Variants in CLIC5 observed in about 807,000 individuals in gnomAD.
CLIC5 encodes chloride intracellular channel protein 5.
Under a neutral mutation model 24.7 loss-of-function variants are expected in CLIC5, and 20 were observed. The observed-to-expected ratio is 0.81, with a 90% CI of 0.57 to 1.18. The LOEUF (loss-of-function observed/expected upper bound fraction) is 1.18. Ranked by LOEUF, CLIC5 falls within the 50% of genes most tolerant of loss-of-function variation. The probability of loss-of-function intolerance (pLI) is 0.00; values close to 1 mark genes in which losing one functional copy is unlikely to be tolerated. For synonymous variants in CLIC5, 159 were observed against 135.6 expected (o/e 1.17, Z -1.20); for missense variants, 341 against 326.1 (o/e 1.05, Z -0.35).
At chr6:45,997,853 G>A (rs1390420654) in intron 1 of CLIC5, among the ~76,000 whole-genome samples, 1 of 152,210 alleles carries the variant, frequency 6.6e-6, no homozygotes, top group African/African-American at 2.4e-5. Flanking sequence ...GTTAACCAAA[G>A]CCAGAGACTA....
At chr6:45,958,435 T>TATATATATACACACACACACACAC (rs1561964431) in intron 1 of CLIC5, among the ~76,000 whole-genome samples, 4 of 5,608 alleles carry the variant, frequency 7.1e-4, no homozygotes, top group Non-Finnish European at 3.7e-3. Context: ...TATATATATA[T>TATATATATACACACACACACACAC]ATATATATAT....
In CLIC5 at chr6:45,973,215, T is replaced by C. The variant is rs532924643; in HGVS notation, c.64-17971A>G. ...CTTTGCCTGTGGGACCAGTCAGATG[T>C]CGGACCCTACCTCCAGGGGTTAAGT... is the stretch of plus-strand genomic sequence containing the variant. On this transcript the variant is annotated intron_variant, in intron 1 of 5. Transcript: ENST00000339561. Among the ~76,000 whole-genome samples, 12 of 152,284 alleles carry C rather than the reference T, an allele frequency of 7.9e-5. 1 individual carries two copies. The South Asian group carries it at 2.5e-3, about 32-fold the overall frequency.
chr6:45,943,099 T>C (rs1764186832), intron 3 of CLIC5, among the ~76,000 whole-genome samples: 1 of 152,208 alleles, frequency 6.6e-6, no homozygotes, highest in African/African-American at 2.4e-5. Context: ...AACAACTCTA[T>C]TGGTACTATT....
At chr6:45,970,503 G>A (rs1177688459) in intron 1 of CLIC5, among the ~76,000 whole-genome samples, 1 of 152,158 alleles carries the variant, frequency 6.6e-6, no homozygotes, top group Non-Finnish European at 1.5e-5. Context: ...GGCAGAGTAA[G>A]GCAGGAAATG....
intron 3 of CLIC5, among the ~76,000 whole-genome samples, chr6:45,948,181 T>A (rs1223219739): frequency 1.3e-5 from 2 of 152,198 alleles, no homozygotes; most frequent in East Asian, 3.9e-4. Context: ...GCTATAAAAG[T>A]GTTGATGAAT....
intron 6 of CLIC5, chr6:45,892,337 A>G (rs1048589573): frequency 1.3e-5 from 2 of 152,260 alleles, no homozygotes; most frequent in South Asian, 4.1e-4. Context: ...ACTACTTGTG[A>G]TATGGCAGTT....
chr6:45,888,312 G>A (rs181057532), intron 6 of CLIC5, among the ~76,000 whole-genome samples: 4 of 152,256 alleles, frequency 2.6e-5, no homozygotes, highest in Admixed American at 6.5e-5. Context: ...GGGATGTGGG[G>A]CATTTTCTAT....
At chr6:46,021,768 G>T (rs193078689) in intron 1 of CLIC5, among the ~76,000 whole-genome samples, 1 of 152,340 alleles carries the variant, frequency 6.6e-6, no homozygotes, top group East Asian at 1.9e-4. Context: ...ATCAGTGGCT[G>T]CCAGGGACTG....
chr6:45,895,492 T>C (rs943771555), downstream of CLIC5, among the ~76,000 whole-genome samples: 18 of 152,208 alleles, frequency 1.2e-4, no homozygotes, highest in Admixed American at 5.9e-4. Context: ...CCTATTTCTC[T>C]CCTTAGCTCT....
intron 1 of CLIC5, among the ~76,000 whole-genome samples, chr6:45,982,037 G>A (rs1765586761): frequency 6.6e-6 from 1 of 151,864 alleles, no homozygotes; most frequent in African/African-American, 2.4e-5. Context: ...ATAGGGGACA[G>A]TCAAGGATGA....
At chr6:46,040,415 T>C (rs1004938152) in intron 1 of CLIC5, among the ~76,000 whole-genome samples, 1 of 152,118 alleles carries the variant, frequency 6.6e-6, no homozygotes, top group Admixed American at 6.6e-5. Flanking sequence ...CAGATAGTAG[T>C]ACAGGTGGTG....
chr6:46,046,559 T>G (rs1225724314), intron 1 of CLIC5, among the ~76,000 whole-genome samples: 1 of 152,230 alleles, frequency 6.6e-6, no homozygotes, highest in African/African-American at 2.4e-5. Flanking sequence ...GTGTGGTCAC[T>G]TAAGAGACCC....
At chr6:45,919,854 G>C (rs1005214725) in intron 4 of CLIC5, among the ~76,000 whole-genome samples, 2 of 151,900 alleles carry the variant, frequency 1.3e-5, no homozygotes, top group Non-Finnish European at 2.9e-5. Flanking sequence ...GAATGCCTAG[G>C]GCAGATTAGA....
chr6:46,077,389 A>G (rs1247712861), intron 1 of CLIC5, among the ~76,000 whole-genome samples: 1 of 152,040 alleles, frequency 6.6e-6, no homozygotes, highest in African/African-American at 2.4e-5. Context: ...AACATCCAGA[A>G]CTGAAAAGCC....
At chr6:45,937,601 C>T (rs1362813222) in intron 4 of CLIC5, 3 of 152,236 alleles carry the variant, frequency 2.0e-5, no homozygotes, top group Non-Finnish European at 4.4e-5. Context: ...GACTTTGTCT[C>T]GTTGCCTTGG....
intron 1 of CLIC5, among the ~76,000 whole-genome samples, chr6:46,024,071 G>A (rs780478592): frequency 6.6e-6 from 1 of 152,156 alleles, no homozygotes; most frequent in Non-Finnish European, 1.5e-5. Flanking sequence ...GGGACATCGG[G>A]AATAGGAAGC....
At chr6:45,962,409 C>T (rs1764877604) in intron 1 of CLIC5, among the ~76,000 whole-genome samples, 1 of 147,972 alleles carries the variant, frequency 6.8e-6, no homozygotes, top group African/African-American at 2.5e-5. Context: ...GTCTTTTTTT[C>T]TATGAGGCCT....
chr6:45,920,103 C>T lies in CLIC5; in HGVS notation c.407-5694G>A, dbSNP rs79606950. ...CCTGACAAAAGAGGATGGGGTTCCC[C>T]TCATGACTCCCCCATGCCTTACCTT... On this transcript the variant is annotated intron_variant, in intron 4 of 5. Coordinates refer to ENST00000339561, the MANE Select transcript of CLIC5 (RefSeq NM_016929.5). The T allele has an allele frequency of 9.7e-6, 9 of 929,866 alleles. No individual in the cohort carries two copies. The East Asian group carries it at 9.5e-4, about 99-fold the overall frequency. 57.6% of individuals were successfully genotyped at this position (929,866 alleles called of 1,614,324 possible). A position where few individuals can be genotyped will look rare whatever the true frequency, so the allele number is the denominator to read the frequency against.
intron 5 of CLIC5, among the ~76,000 whole-genome samples, chr6:45,907,675 T>A (rs1281730547): frequency 6.6e-6 from 1 of 152,090 alleles, no homozygotes; most frequent in East Asian, 1.9e-4. Flanking sequence ...GGTTGGTAGG[T>A]TTTTTTAAAT....
Sources: gnomAD v4.1 joint callset for allele counts (sites outside exome capture counted in the v4.1 genomes callset) on GRCh38, gnomAD v4.1.1 for gene constraint, MANE v1.5 for transcripts, NCBI Gene and HGNC (gene_info 2026-07-23, HGNC 2026-07-21) for gene names.